Variants in VASN observed in about 807,000 individuals in gnomAD.
VASN encodes protein slit-like 2.
A neutral mutation model predicts 4.8 loss-of-function variants in VASN; 5 were observed. That is an observed-to-expected ratio of 1.03 (90% CI 0.54 to 2.17). The LOEUF (loss-of-function observed/expected upper bound fraction) is 2.17. VASN is among the 30% of genes most tolerant of loss of function. The pLI, the probability that VASN is intolerant of heterozygous loss-of-function variation, is 0.01. For missense variants in VASN, 927 were observed against 948.8 expected (o/e 0.98, Z 0.30); for synonymous variants, 499 against 460.8 (o/e 1.08, Z -1.06).
In VASN at chr16:4,382,504, G is replaced by A; in HGVS notation, c.1627G>A (p.Val543Met). ...TGTCATGCCTTTGGGGCCCGGGCGGGTGCCGGAGGGCGAGGAGGCCTGCGG... is the reference window on the plus strand; with the variant it reads ...TGTCATGCCTTTGGGGCCCGGGCGGATGCCGGAGGGCGAGGAGGCCTGCGG... ...VCVMPLGPGR[V>M]PEGEEACGEA... The change falls in exon 2 of 2, where the codon GTG becomes ATG. Residue 543 changes from valine to methionine, a missense_variant. Transcript: ENST00000304735. 6.3e-7 allele frequency: 1 copy of A among 1,593,160 alleles called. No individual in the cohort carries two copies. The highest frequency in any genetic ancestry group is 8.5e-7 in the Non-Finnish European group (1 of 1,169,740).
rs536956460 is a variant in VASN at position 4,381,012 on chromosome 16, G to A, written c.135G>A (p.Thr45=). 5 of 1,609,108 alleles carry A rather than the reference G, an allele frequency of 3.1e-6. No individual in the cohort carries two copies. Among genetic ancestry groups the A allele is most frequent in the Non-Finnish European group, 4.2e-6 (5 of 1,178,756 alleles). The change falls in exon 2 of 2, where the codon ACG becomes ACA. Residue 45 remains threonine (T), a synonymous_variant. Coordinates refer to ENST00000304735, the MANE Select transcript of VASN (RefSeq NM_138440.3). ...TCTGCACTGCCCGCCAGGGGACCAC[G>A]GTGCCCCGAGACGTGCCACCCGACA... ...TVFCTARQGT[T]VPRDVPPDTV...
chr16:4,382,683 G>T lies in VASN; in HGVS notation c.1806G>T (p.Gly602=). The change falls in exon 2 of 2, where the codon GGG becomes GGT. Residue 602 remains glycine (G), a synonymous_variant. Transcript: ENST00000304735. Reference sequence around the variant, plus strand: ...GGGCAGCCTACTGTGTGCGGCGGGGGCGGGCCATGGCAGCAGCGGCTCAGG... The same window carrying T: ...GGGCAGCCTACTGTGTGCGGCGGGGTCGGGCCATGGCAGCAGCGGCTCAGG... ...AVGAAYCVRR[G]RAMAAAAQDK... 1 of 1,546,562 alleles carries T rather than the reference G, an allele frequency of 6.5e-7. No individual in the cohort carries two copies. Among genetic ancestry groups the T allele is most frequent in the South Asian group, 1.2e-5 (1 of 84,312 alleles).
At position 4,381,504 on chromosome 16, in the gene VASN, G is replaced by A; in HGVS notation, c.627G>A (p.Glu209=). ...LAGLGLQQLD[E]GLFSRLRNLH... Reference sequence around the variant, plus strand: ...GTCTGGGGCTGCAGCAGCTGGACGAGGGGCTCTTCAGCCGCTTGCGCAACC... The same window carrying A: ...GTCTGGGGCTGCAGCAGCTGGACGAAGGGCTCTTCAGCCGCTTGCGCAACC... Residue 209 remains glutamate, a synonymous_variant, in exon 2 of 2, where the codon GAG becomes GAA. Coordinates refer to ENST00000304735, the MANE Select transcript of VASN (RefSeq NM_138440.3). 6.3e-7 allele frequency: 1 copy of A among 1,593,524 alleles called. No individual in the cohort carries two copies. The highest frequency in any genetic ancestry group is 1.3e-5 in the African/African-American group (1 of 74,536).
chr16:4,379,545 C>T (rs981324303), intron 1 of VASN, among the ~76,000 whole-genome samples: 2 of 152,132 alleles, frequency 1.3e-5, no homozygotes, highest in Admixed American at 6.5e-5. Context: ...GCAATGGCAG[C>T]GAGTCCCTGC....
At chr16:4,372,373 C>A (rs2054566657) in intron 1 of VASN, among the ~76,000 whole-genome samples, 7 of 152,240 alleles carry the variant, frequency 4.6e-5, no homozygotes, top group Admixed American at 3.9e-4. Flanking sequence ...GTCACTTTTC[C>A]CTCCTGGGGT....
Position 4,382,307 on chromosome 16 carries a change from G to A in VASN, c.1430G>A (p.Arg477His), listed in dbSNP as rs1412533102. Reference sequence around the variant, plus strand: ...GAGCCGGTGAGCCCCACCTCCCTGCGCGTGGGGCTGCAGCGCTACCTCCAG... The same window carrying A: ...GAGCCGGTGAGCCCCACCTCCCTGCACGTGGGGCTGCAGCGCTACCTCCAG... ...GIEPVSPTSL[R>H]VGLQRYLQGS... The change falls in exon 2 of 2, where the codon CGC (arginine) becomes CAC (histidine). Residue 477 changes from arginine (R) to histidine (H), a missense_variant. Physicochemically the swap from Arg to His is conservative, Grantham distance 29. Coordinates refer to ENST00000304735, the MANE Select transcript of VASN (RefSeq NM_138440.3). The A allele has an allele frequency of 1.2e-5, 19 of 1,610,508 alleles. No individual in the cohort carries two copies. In the South Asian group the frequency reaches 1.2e-4, roughly 10 times the overall value.
At position 4,381,774 on chromosome 16, in the gene VASN, C is replaced by T. The variant is rs530140624; in HGVS notation, c.897C>T (p.Pro299=). 2 of 1,601,508 alleles carry T rather than the reference C, an allele frequency of 1.2e-6. No homozygotes were observed. Among genetic ancestry groups the T allele is most frequent in the South Asian group, 1.1e-5 (1 of 90,968 alleles). Residue 299 remains proline (P), a synonymous_variant, in exon 2 of 2, where the codon CCC becomes CCT. Transcript: ENST00000304735. ...RLRLLAAARN[P]FNCVCPLSWF... ...GGCTGCTGGCAGCTGCCCGCAACCC[C>T]TTCAACTGCGTGTGCCCCCTGAGCT...
chr16:4,381,228 T>A lies in VASN; in HGVS notation c.351T>A (p.Asn117Lys). 6.2e-7 allele frequency: 1 copy of A among 1,612,190 alleles called. No individual in the cohort carries two copies. Residue 117 changes from asparagine (N) to lysine (K), a missense_variant, in exon 2 of 2, where the codon AAT becomes AAA. Asn to Lys is a moderately conservative substitution (Grantham distance 94). Transcript: ENST00000304735. ...CCAACAGGCTGCATGAAATCACCAA[T>A]GAGACCTTCCGTGGCCTGCGGCGCC... ...LTANRLHEIT[N>K]ETFRGLRRLE...
chr16:4,378,459 A>AC (rs928003439), intron 1 of VASN, among the ~76,000 whole-genome samples: 2 of 151,638 alleles, frequency 1.3e-5, no homozygotes, highest in African/African-American at 4.9e-5. Context: ...AGGTGGCCTC[A>AC]CCCCCCATAT....
chr16:4,377,045 A>G (rs2054758370), intron 1 of VASN, among the ~76,000 whole-genome samples: 1 of 152,190 alleles, frequency 6.6e-6, no homozygotes, highest in East Asian at 1.9e-4. Context: ...CACCACGAGC[A>G]GCGCCCACTG....
rs537529255 is a variant in VASN, at chr16:4,382,928, G to A, written c.*29G>A. The A allele has an allele frequency of 1.2e-4, 172 of 1,466,940 alleles. 1 individual carries two copies. Among genetic ancestry groups the A allele is most frequent in the South Asian group, 1.1e-3 (79 of 69,460 alleles). The allele number at this position is 1,466,940 out of a possible 1,614,324, so 90.9% of individuals were successfully genotyped here. ...AGAGAGAGACAGGGCAGCTGGGGCC[G>A]GGCTCTCAGCCAGTGAGATGGCCAG... On this transcript the variant is annotated 3_prime_UTR_variant, in exon 2 of 2. Transcript: ENST00000304735.
intron 1 of VASN, among the ~76,000 whole-genome samples, chr16:4,375,549 G>A (rs1259157368): frequency 5.3e-5 from 8 of 152,290 alleles, no homozygotes; most frequent in Non-Finnish European, 1.2e-4. Context: ...GTGCAGTGGC[G>A]CAATATTGGC....
At chr16:4,372,640 C>T (rs1164751637) in intron 1 of VASN, among the ~76,000 whole-genome samples, 1 of 152,216 alleles carries the variant, frequency 6.6e-6, no homozygotes, top group Non-Finnish European at 1.5e-5. Flanking sequence ...AACCCAGTGG[C>T]CTGGAGCCAG....
chr16:4,374,091 G>T (rs1416711552), intron 1 of VASN, among the ~76,000 whole-genome samples: 2 of 151,718 alleles, frequency 1.3e-5, no homozygotes, highest in Non-Finnish European at 1.5e-5. Flanking sequence ...GTGCACGTGT[G>T]TGTGTGTGTG....
intron 1 of VASN, among the ~76,000 whole-genome samples, chr16:4,380,323 C>T (rs2054909297): frequency 6.6e-6 from 1 of 152,218 alleles, no homozygotes; most frequent in Non-Finnish European, 1.5e-5. Context: ...TCTGACTGCC[C>T]AAGTGGAAAA....
chr16:4,380,479 C>T (rs2054918087), intron 1 of VASN, among the ~76,000 whole-genome samples: 1 of 152,262 alleles, frequency 6.6e-6, no homozygotes, highest in Non-Finnish European at 1.5e-5. Context: ...CTGCCTGCCC[C>T]CTCTTCCAGA....
chr16:4,379,223 G>A (rs892657070), intron 1 of VASN, among the ~76,000 whole-genome samples: 3 of 152,116 alleles, frequency 2.0e-5, no homozygotes, highest in Admixed American at 2.0e-4. Flanking sequence ...CAGCACAAAG[G>A]GCTCTTGTGT....
intron 1 of VASN, among the ~76,000 whole-genome samples, chr16:4,373,989 C>T (rs1024047590): frequency 1.3e-5 from 2 of 152,164 alleles, no homozygotes; most frequent in African/African-American, 4.8e-5. Flanking sequence ...AGTCCCCTCC[C>T]TGGGCTGGGG....
At position 4,380,917 on chromosome 16, in the gene VASN, C is replaced by T. The variant is rs74644675; in HGVS notation, c.40C>T (p.Leu14=). 168 of 1,570,372 alleles carry T rather than the reference C, an allele frequency of 1.1e-4. No individual in the cohort carries two copies. The East Asian group carries it at 3.5e-3, about 33-fold the overall frequency. Residue 14 remains leucine (L), a synonymous_variant, in exon 2 of 2, where the codon CTA becomes TTA. Coordinates refer to ENST00000304735, the MANE Select transcript of VASN (RefSeq NM_138440.3). ...CCCTCTGCTGCTGCCGCTGCTCCTGCTACTGGCCCTGGGGCCTGGGGTGCA... is the reference window on the plus strand; with the variant it reads ...CCCTCTGCTGCTGCCGCTGCTCCTGTTACTGGCCCTGGGGCCTGGGGTGCA... The part of the protein sequence containing the change: ...RVPLLLPLLL[L]LALGPGVQGC...
Sources: gnomAD v4.1 joint callset for allele counts (sites outside exome capture counted in the v4.1 genomes callset) on GRCh38, gnomAD v4.1.1 for gene constraint, MANE v1.5 for transcripts, NCBI Gene and HGNC (gene_info 2026-07-23, HGNC 2026-07-21) for gene names.